The following FBXL17 variants were observed in gnomAD, a reference collection of about 807,000 sequenced individuals.
FBXL17 encodes F-box and leucine rich repeat protein 17.
Under a neutral mutation model 66.2 loss-of-function variants are expected in FBXL17, and 22 were observed. The ratio of observed to expected loss-of-function variants is 0.33; its 90% CI spans 0.24 to 0.47. The LOEUF (loss-of-function observed/expected upper bound fraction) is 0.47. Ranked by LOEUF, FBXL17 falls within the 20% of genes least tolerant of loss-of-function variation. The probability of loss-of-function intolerance (pLI) is 1.00; values close to 1 mark genes in which losing one functional copy is unlikely to be tolerated. For missense variants in FBXL17, 878 were observed against 948.2 expected (o/e 0.93, Z 0.97); for synonymous variants, 474 against 400.5 (o/e 1.18, Z -2.19).
intron 6 of FBXL17, among the ~76,000 whole-genome samples, chr5:108,088,472 C>T (rs756797259): frequency 3.1e-4 from 47 of 151,772 alleles, no homozygotes; most frequent in Non-Finnish European, 6.2e-4. Context: ...GAGGCCAAGT[C>T]GGGGGGAACA....
chr5:108,029,650 A>T (rs893137935), intron 6 of FBXL17, among the ~76,000 whole-genome samples: 1 of 152,166 alleles, frequency 6.6e-6, no homozygotes, highest in Non-Finnish European at 1.5e-5. Flanking sequence ...CTTTTTATTT[A>T]TAGAAATATG....
chr5:108,015,759 T>C (rs1216842094), intron 7 of FBXL17, among the ~76,000 whole-genome samples: 1 of 152,176 alleles, frequency 6.6e-6, no homozygotes, highest in Non-Finnish European at 1.5e-5. Context: ...ACTAACAGCT[T>C]AAAAGGGTTG....
At chr5:107,928,431 T>C (rs1318213055) in intron 7 of FBXL17, among the ~76,000 whole-genome samples, 1 of 150,536 alleles carries the variant, frequency 6.6e-6, no homozygotes, top group Non-Finnish European at 1.5e-5. Flanking sequence ...TTTTTTTTTT[T>C]AAGTCAGCAA....
chr5:108,031,848 C>G (rs1400623005), intron 6 of FBXL17, among the ~76,000 whole-genome samples: 4 of 151,934 alleles, frequency 2.6e-5, no homozygotes, highest in Non-Finnish European at 4.4e-5. Flanking sequence ...TGCCAAAATT[C>G]TGTGTGTGTG....
chr5:108,241,680 C>T (rs139627571), intron 4 of FBXL17, among the ~76,000 whole-genome samples: 1 of 152,172 alleles, frequency 6.6e-6, no homozygotes, highest in East Asian at 1.9e-4. Flanking sequence ...AGAAGAAAGA[C>T]TACCTTAATG....
chr5:108,143,300 T>C (rs1751428595), intron 6 of FBXL17, among the ~76,000 whole-genome samples: 1 of 151,670 alleles, frequency 6.6e-6, no homozygotes, highest in Admixed American at 6.6e-5. Flanking sequence ...CATTCTTCAA[T>C]AAATGAACAT....
intron 1 of FBXL17, among the ~76,000 whole-genome samples, chr5:108,374,609 G>A (rs931834131): frequency 1.3e-5 from 2 of 152,152 alleles, no homozygotes; most frequent in Non-Finnish European, 2.9e-5. Context: ...CCAGAAGGCA[G>A]AAGTTGCAGT....
intron 4 of FBXL17, among the ~76,000 whole-genome samples, chr5:108,282,931 G>T (rs1356052863): frequency 6.7e-6 from 1 of 149,992 alleles, no homozygotes. Context: ...AAAAACCTAG[G>T]AACATTTAAC....
At chr5:107,866,602 C>G (rs759454825) in intron 8 of FBXL17, among the ~76,000 whole-genome samples, 2 of 152,108 alleles carry the variant, frequency 1.3e-5, no homozygotes, top group Non-Finnish European at 2.9e-5. Context: ...TATTAATTTC[C>G]GCAGAAAGTT....
At position 108,282,604 on chromosome 5, in the gene FBXL17, C is replaced by A. The variant is rs150908961; in HGVS notation, c.1507-58376G>T. Among the ~76,000 whole-genome samples, 39 of 151,640 alleles carry A rather than the reference C, an allele frequency of 2.6e-4. No homozygotes were observed. The East Asian group carries it at 7.0e-3, about 27-fold the overall frequency. On this transcript the variant is annotated intron_variant, in intron 4 of 8. Coordinates refer to ENST00000542267, the MANE Select transcript of FBXL17 (RefSeq NM_001163315.3). ...AAAGCATTTCCTCTAATAACTGGAA[C>A]AAAGCAAGGATACCCACTTTACTAT...
rs1561365181 is a variant in FBXL17 at position 108,009,263 on chromosome 5, ATAT to A, written c.1822+11659_1822+11661del. ...TTGGTCGTGAGTTGTTCCCTGTTTT[ATAT>A]ATATATATATATATATATATATATA... On this transcript the variant is annotated intron_variant, in intron 7 of 8. Coordinates refer to ENST00000542267, the MANE Select transcript of FBXL17 (RefSeq NM_001163315.3). 1.1e-3 allele frequency among the ~76,000 whole-genome samples: 39 copies of A among 36,424 alleles called. 6 individuals carry two copies. Among genetic ancestry groups the A allele is most frequent in the Middle Eastern group, 0.01 (1 of 98 alleles). 23.9% of individuals were successfully genotyped at this position (36,424 alleles called of 152,430 possible).
intron 7 of FBXL17, among the ~76,000 whole-genome samples, chr5:107,979,582 C>G (rs1483023585): frequency 1.3e-5 from 2 of 152,216 alleles, no homozygotes; most frequent in Middle Eastern, 3.2e-3. Flanking sequence ...CAGAGTCTGA[C>G]AGCTGTGACT....
intron 4 of FBXL17, among the ~76,000 whole-genome samples, chr5:108,286,091 T>G (rs948243979): frequency 6.6e-6 from 1 of 151,752 alleles, no homozygotes; most frequent in African/African-American, 2.4e-5. Context: ...TAATTCAACA[T>G]CCCTTCATGT....
intron 6 of FBXL17, among the ~76,000 whole-genome samples, chr5:108,159,127 A>G (rs528737453): frequency 4.2e-4 from 64 of 152,300 alleles, no homozygotes; most frequent in African/African-American, 1.4e-3. Flanking sequence ...CCTTGACCTT[A>G]TTACTACAGA....
chr5:108,156,641 TTA>T (rs1247507374), intron 6 of FBXL17, among the ~76,000 whole-genome samples: 3 of 152,050 alleles, frequency 2.0e-5, no homozygotes, highest in Non-Finnish European at 4.4e-5. Flanking sequence ...AAATGTGTTG[TTA>T]TAAAAATATT....
chr5:108,022,525 A>G (rs1386257883), intron 6 of FBXL17, among the ~76,000 whole-genome samples: 1 of 152,002 alleles, frequency 6.6e-6, no homozygotes, highest in Non-Finnish European at 1.5e-5. Context: ...TCAAATATAC[A>G]TATCTCACTG....
chr5:108,016,063 A>C (rs923675845), intron 7 of FBXL17, among the ~76,000 whole-genome samples: 1 of 152,216 alleles, frequency 6.6e-6, no homozygotes, highest in Admixed American at 6.5e-5. Flanking sequence ...ACAGAATATT[A>C]TGTTTGACAG....
intron 6 of FBXL17, among the ~76,000 whole-genome samples, chr5:108,034,989 C>T (rs1746785324): frequency 6.6e-6 from 1 of 152,016 alleles, no homozygotes; most frequent in Admixed American, 6.6e-5. Context: ...TCACAGGAAC[C>T]CTTCCCCCAA....
At chr5:108,016,018 C>G (rs1754372212) in intron 7 of FBXL17, among the ~76,000 whole-genome samples, 1 of 152,066 alleles carries the variant, frequency 6.6e-6, no homozygotes, top group South Asian at 2.1e-4. Context: ...AGTACATGGC[C>G]CAGCACACGG....
Sources: allele counts gnomAD v4.1 joint callset (sites outside exome capture counted in the v4.1 genomes callset), GRCh38; gene constraint gnomAD v4.1.1; transcripts MANE v1.5; gene names NCBI Gene and HGNC (gene_info 2026-07-23, HGNC 2026-07-21).